Variants in TLE3 observed in about 807,000 individuals in gnomAD.
The protein encoded by TLE3 is transducin-like enhancer protein 3.
A neutral mutation model predicts 93.0 loss-of-function variants in TLE3; 14 were observed. The observed-to-expected ratio is 0.15, with a 90% CI of 0.10 to 0.24. The LOEUF is 0.24. Among genes scored for constraint, TLE3 ranks in the 10% least tolerant of loss-of-function variants. The pLI, the probability that TLE3 is intolerant of heterozygous loss-of-function variation, is 1.00. For missense variants in TLE3, 693 were observed against 1,046.6 expected (o/e 0.66, Z 4.66); for synonymous variants, 451 against 425.0 (o/e 1.06, Z -0.75).
intron 13 of TLE3, 119 bp downstream of exon 13, chr15:70,057,340 G>A (rs1353582025): frequency 3.4e-6 from 4 of 1,179,596 alleles, no homozygotes; most frequent in Non-Finnish European, 4.7e-6. Flanking sequence ...TCCCACAGGG[G>A]CAGCTGCCTG....
intron 4 of TLE3, among the ~76,000 whole-genome samples, chr15:70,094,002 G>T (rs961611485): frequency 6.6e-6 from 1 of 152,180 alleles, no homozygotes; most frequent in African/African-American, 2.4e-5. Flanking sequence ...AGGCACTGAA[G>T]TTGTATTTCA....
rs1417136848 is a variant in TLE3 at position 70,049,891 on chromosome 15, C to T, written c.*206G>A. 1 of 535,062 alleles carries T rather than the reference C, an allele frequency of 1.9e-6. No homozygotes were observed. The highest frequency in any genetic ancestry group is 3.4e-6 in the Non-Finnish European group (1 of 296,340). 33.1% of individuals were successfully genotyped at this position (535,062 alleles called of 1,614,324 possible). On this transcript the variant is annotated 3_prime_UTR_variant, in exon 20 of 20. Transcript: ENST00000451782. ...GGGGAGGAGGAGGAGCAGAACCCTT[C>T]CGAGTCTGTGAGACACATCAATCCA...
At position 70,058,963 on chromosome 15, in the gene TLE3, G is replaced by A; in HGVS notation, c.766-148C>T. On this transcript the variant is annotated intron_variant, in intron 10 of 19. Coordinates refer to ENST00000451782, the MANE Select transcript of TLE3 (RefSeq NM_001105192.3). The surrounding 1 kb of genome is among the most constrained non-coding windows in gnomAD (Gnocchi z 4.1). Reference sequence around the variant, plus strand: ...GGGGCCCCACAGTGAGGAAAAACTAGCTCTTAACCATCTGGTCTGACTGAG... The same window carrying A: ...GGGGCCCCACAGTGAGGAAAAACTAACTCTTAACCATCTGGTCTGACTGAG... 1 of 1,009,452 alleles carries A rather than the reference G, an allele frequency of 9.9e-7. No individual in the cohort carries two copies. The highest frequency in any genetic ancestry group is 1.4e-6 in the Non-Finnish European group (1 of 717,070). The allele number at this position is 1,009,452 out of a possible 1,614,324, so 62.5% of individuals were successfully genotyped here. A position where few individuals can be genotyped will look rare whatever the true frequency, so the allele number is the denominator to read the frequency against.
intron 4 of TLE3, among the ~76,000 whole-genome samples, chr15:70,091,361 A>G (rs1419372032): frequency 6.6e-6 from 1 of 152,206 alleles, no homozygotes; most frequent in African/African-American, 2.4e-5. Context: ...ATGCATGGCA[A>G]TTGCTCTGGG....
At chr15:70,095,662 G>C in intron 2 of TLE3, 21 bp from the exon 3 acceptor site, 4 of 1,551,040 alleles carry the variant, frequency 2.6e-6, no homozygotes, top group Middle Eastern at 3.3e-4. Context: ...AGGAGGAGCC[G>C]GCTCAGGCGT....
chr15:70,088,499 G>A (rs1312156629), intron 4 of TLE3, among the ~76,000 whole-genome samples: 3 of 152,222 alleles, frequency 2.0e-5, no homozygotes, highest in Non-Finnish European at 4.4e-5. Context: ...TCTTGGCTGT[G>A]AGTCTCAGAG....
chr15:70,050,234 G>A (rs777070071), intron 19 of TLE3, 30 bp from the exon 20 acceptor site: 2 of 1,550,762 alleles, frequency 1.3e-6, no homozygotes, highest in East Asian at 4.5e-5. Flanking sequence ...AGAAGCAGCA[G>A]GAAGGCGTGG....
At chr15:70,057,162 C>T (rs777179063) in intron 13 of TLE3, among the ~76,000 whole-genome samples, 3 of 152,246 alleles carry the variant, frequency 2.0e-5, no homozygotes, top group African/African-American at 7.2e-5. Flanking sequence ...ATTCCTACCC[C>T]CCAGAGCTGG....
intron 5 of TLE3, 99 bp from the exon 6 acceptor site, chr15:70,074,706 G>A: frequency 1.1e-6 from 1 of 943,814 alleles, no homozygotes; most frequent in African/African-American, 1.6e-5. Flanking sequence ...GAGGCCCAGA[G>A]CAGACAGAGG....
chr15:70,051,456 C>T lies in TLE3; in HGVS notation c.2137G>A (p.Val713Met), dbSNP rs752738182. 22 of 1,608,086 alleles carry T rather than the reference C, an allele frequency of 1.4e-5. No individual in the cohort carries two copies. The highest frequency in any genetic ancestry group is 8.4e-5 in the Admixed American group (5 of 59,218). ...LKFAYCGKWF[V>M]STGKDNLLNA... Reference sequence around the variant, plus strand: ...AGAAGGTTATCTTTCCCAGTGCTCACGAACCACTTGCCTGCAGGTGGGAGG... The same window carrying T: ...AGAAGGTTATCTTTCCCAGTGCTCATGAACCACTTGCCTGCAGGTGGGAGG... The change falls in exon 19 of 20, where the codon GTG becomes ATG. Residue 713 changes from valine (V) to methionine (M), a missense_variant. By Grantham distance (21) the Val-to-Met change is conservative (BLOSUM62 1). Transcript: ENST00000451782.
chr15:70,076,304 C>T (rs1254365283), intron 4 of TLE3, 146 bp from the exon 5 acceptor site: 2 of 705,058 alleles, frequency 2.8e-6, no homozygotes, highest in Non-Finnish European at 2.5e-6. Context: ...AGCCTCCTAC[C>T]AGGAGGCTCT....
rs56796296 is a variant in TLE3, at chr15:70,076,803, C to T, written c.235-645G>A. 3.3e-3 allele frequency among the ~76,000 whole-genome samples: 508 copies of T among 152,302 alleles called. 8 individuals carry two copies. The highest frequency in any genetic ancestry group is 0.012 in the African/African-American group (493 of 41,560). ...TGGTATGATTTTGGCTCACTGCAGC[C>T]TCGACTTCCTGGGCTCAGGTGATTC... On this transcript the variant is annotated intron_variant, in intron 4 of 19. Transcript: ENST00000451782.
chr15:70,094,920 G>A (rs540552395), intron 3 of TLE3: 200 of 240,108 alleles, frequency 8.3e-4, no homozygotes, highest in African/African-American at 4.4e-3. Flanking sequence ...GAGTTATTTA[G>A]CACTGTGTCG....
intron 4 of TLE3, among the ~76,000 whole-genome samples, chr15:70,082,265 C>T (rs1302219335): frequency 2.0e-5 from 3 of 151,824 alleles, no homozygotes; most frequent in East Asian, 1.9e-4. Context: ...CTCCTTAGGC[C>T]GAGCTCAGAG....
rs1343374132 is a variant in TLE3, at chr15:70,076,089, G to A, written c.297+7C>T. 2 of 1,613,316 alleles carry A rather than the reference G, an allele frequency of 1.2e-6. No individual in the cohort carries two copies. Among genetic ancestry groups the A allele is most frequent in the Admixed American group, 1.7e-5 (1 of 60,018 alleles). ...GAAAAGGAAGAAATAATAAAAGAAG[G>A]TCTTACCTCTTGTGACAGGAAAGGC... On this transcript the variant is annotated splice_region_variant and intron_variant, in intron 5 of 19. Transcript: ENST00000451782.
intron 1 of TLE3, 136 bp downstream of exon 1, chr15:70,096,638 TC>T: frequency 6.5e-7 from 1 of 1,548,054 alleles, no homozygotes; most frequent in South Asian, 1.2e-5. Flanking sequence ...CCCGGCCGCA[TC>T]CCCCTTTGTG....
chr15:70,096,137 CG>C, intron 2 of TLE3, 23 bp downstream of exon 2: 1 of 1,542,502 alleles, frequency 6.5e-7, no homozygotes, highest in Non-Finnish European at 8.8e-7. Flanking sequence ...CCGCCAGCCC[CG>C]GGGCGGCCCC....
At chr15:70,062,432 C>T (rs553368081) in intron 8 of TLE3, among the ~76,000 whole-genome samples, 5 of 152,304 alleles carry the variant, frequency 3.3e-5, no homozygotes, top group African/African-American at 1.2e-4. Flanking sequence ...ACCCGGTGCT[C>T]GGCTCGGGAG....
At chr15:70,089,113 C>T (rs922990659) in intron 4 of TLE3, among the ~76,000 whole-genome samples, 1 of 152,218 alleles carries the variant, frequency 6.6e-6, no homozygotes, top group East Asian at 1.9e-4. Flanking sequence ...TGCCTTGCCG[C>T]GAGCTGTTGC....
Sources: allele counts gnomAD v4.1 joint callset (sites outside exome capture counted in the v4.1 genomes callset), GRCh38; gene constraint gnomAD v4.1.1; non-coding constraint Gnocchi (gnomAD v3.1); transcripts MANE v1.5; gene names NCBI Gene and HGNC (gene_info 2026-07-23, HGNC 2026-07-21).